LARGE1: variants seen among roughly 807,000 people sequenced by gnomAD.
The protein encoded by LARGE1 is xylosyl- and glucuronyltransferase LARGE1.
Under a neutral mutation model 87.6 loss-of-function variants are expected in LARGE1, and 43 were observed. The ratio of observed to expected loss-of-function variants is 0.49; its 90% CI spans 0.38 to 0.63. The LOEUF is 0.63. LARGE1 is among the 30% of genes least tolerant of loss of function. The pLI, the probability that LARGE1 is intolerant of heterozygous loss-of-function variation, is 0.00. For missense variants in LARGE1, 802 were observed against 1,000.2 expected (o/e 0.80, Z 2.67); for synonymous variants, 434 against 394.6 (o/e 1.10, Z -1.18).
At chr22:33,165,823 T>G (rs1922238758) in exon 12 of LARGE1, 3 of 152,190 alleles carry the variant, frequency 2.0e-5, no homozygotes, top group Non-Finnish European at 4.4e-5. Flanking sequence ...TAAGCAACTA[T>G]TTATTCCATC....
At chr22:33,089,371 C>CTTCTCCTCCTTCTT in the LARGE1 span, among the ~76,000 whole-genome samples, 1 of 76,048 alleles carries the variant, frequency 1.3e-5, no homozygotes, top group African/African-American at 6.3e-5. Context: ...TTCTTCTTCT[C>CTTCTCCTCCTTCTT]CTTCTTCTTC....
At chr22:33,605,401 G>T (rs142215234) in intron 4 of LARGE1, among the ~76,000 whole-genome samples, 1 of 152,244 alleles carries the variant, frequency 6.6e-6, no homozygotes, top group East Asian at 1.9e-4. Context: ...GGAGTTAAAT[G>T]GAAACAGGTT....
chr22:33,678,180 A>G (rs1472305607), intron 2 of LARGE1, among the ~76,000 whole-genome samples: 6 of 152,222 alleles, frequency 3.9e-5, no homozygotes, highest in Non-Finnish European at 5.9e-5. Flanking sequence ...TATAGATGAG[A>G]AATCCAGTAT....
At chr22:33,275,915 CTCAT>C (rs576139694) in intron 14 of LARGE1, among the ~76,000 whole-genome samples, 36 of 152,274 alleles carry the variant, frequency 2.4e-4, no homozygotes, top group Middle Eastern at 3.4e-3. Context: ...TGGCACTCTG[CTCAT>C]TCAAAGTATT....
intron 9 of LARGE1, among the ~76,000 whole-genome samples, chr22:33,366,481 G>A (rs1426324760): frequency 6.6e-6 from 1 of 152,204 alleles, no homozygotes; most frequent in Non-Finnish European, 1.5e-5. Context: ...CATGCTGAAT[G>A]ACACGTGGAT....
chr22:33,612,254 C>T (rs932748642), intron 4 of LARGE1, among the ~76,000 whole-genome samples: 2 of 152,166 alleles, frequency 1.3e-5, no homozygotes, highest in Non-Finnish European at 2.9e-5. Flanking sequence ...CAGACACCCA[C>T]CACCATGCCC....
chr22:33,351,559 C>T (rs941755568), intron 9 of LARGE1, among the ~76,000 whole-genome samples: 9 of 151,842 alleles, frequency 5.9e-5, no homozygotes, highest in African/African-American at 2.2e-4. Flanking sequence ...TATATATAGA[C>T]ATAAATTATT....
chr22:33,852,458 A>G (rs899877405), intron 1 of LARGE1, among the ~76,000 whole-genome samples: 4 of 152,260 alleles, frequency 2.6e-5, no homozygotes, highest in Admixed American at 6.5e-5. Flanking sequence ...TCGCCCCTTA[A>G]TTAGGTTACA....
chr22:33,309,048 C>G (rs938436230), intron 11 of LARGE1, among the ~76,000 whole-genome samples: 1 of 152,158 alleles, frequency 6.6e-6, no homozygotes, highest in African/African-American at 2.4e-5. Flanking sequence ...GGCAAGGGGC[C>G]TAGGCGCCTG....
intron 1 of LARGE1, among the ~76,000 whole-genome samples, chr22:33,843,440 A>AAATAAAT (rs1568978753): frequency 2.7e-5 from 4 of 146,536 alleles, no homozygotes; most frequent in African/African-American, 7.7e-5. Flanking sequence ...CCCTCTCAAA[A>AAATAAAT]AAATAAATAA....
chr22:33,408,916 GC>G (rs2066206272), intron 7 of LARGE1, among the ~76,000 whole-genome samples: 1 of 152,110 alleles, frequency 6.6e-6, no homozygotes. Flanking sequence ...GTTGACAAGG[GC>G]CGTGTTTTCT....
chr22:33,561,085 A>AT (rs776861941), intron 6 of LARGE1, among the ~76,000 whole-genome samples: 37 of 152,206 alleles, frequency 2.4e-4, no homozygotes, highest in Non-Finnish European at 4.9e-4. Flanking sequence ...AAGTGCTGGG[A>AT]TTACAGGCGT....
At chr22:33,181,273 C>A (rs2413169) in intron 11 of LARGE1, among the ~76,000 whole-genome samples, 23,275 of 152,052 alleles carry the variant, frequency 0.15, 1,889 homozygotes, top group South Asian at 0.32. Flanking sequence ...TTTAATTAAC[C>A]TACTCTTTAA....
intron 3 of LARGE1, among the ~76,000 whole-genome samples, chr22:33,643,737 C>T (rs534588346): frequency 6.6e-6 from 1 of 152,306 alleles, no homozygotes; most frequent in East Asian, 1.9e-4. Context: ...GACATCACCA[C>T]TGATTCCACA....
chr22:33,815,642 C>A (rs2086627332), intron 1 of LARGE1, among the ~76,000 whole-genome samples: 2 of 152,166 alleles, frequency 1.3e-5, no homozygotes, highest in African/African-American at 4.8e-5. Context: ...TCAACCCAGC[C>A]CAGGGACTCA....
At chr22:33,433,218 T>C (rs1358357175) in intron 6 of LARGE1, among the ~76,000 whole-genome samples, 1 of 152,196 alleles carries the variant, frequency 6.6e-6, no homozygotes, top group African/African-American at 2.4e-5. Flanking sequence ...AAACAAAGAT[T>C]CCTCCCACTG....
At chr22:33,456,999 A>G (rs1334667438) in intron 6 of LARGE1, among the ~76,000 whole-genome samples, 1 of 152,218 alleles carries the variant, frequency 6.6e-6, no homozygotes, top group African/African-American at 2.4e-5. Flanking sequence ...GCCAGGCACT[A>G]AGGCAAATGT....
At chr22:33,084,292 T>G in the LARGE1 span, among the ~76,000 whole-genome samples, 1 of 152,188 alleles carries the variant, frequency 6.6e-6, no homozygotes, top group Non-Finnish European at 1.5e-5. Flanking sequence ...TGGCTGTTTC[T>G]GTGTTTAGTT....
intron 1 of LARGE1, among the ~76,000 whole-genome samples, chr22:33,872,955 G>A (rs2064342619): frequency 6.6e-6 from 1 of 151,922 alleles, no homozygotes. Flanking sequence ...AACCGAGATT[G>A]CACCACTGCA....
Sources: gnomAD v4.1 joint callset for allele counts (sites outside exome capture counted in the v4.1 genomes callset) on GRCh38, gnomAD v4.1.1 for gene constraint, MANE v1.5 for transcripts, NCBI Gene and HGNC (gene_info 2026-07-23, HGNC 2026-07-21) for gene names.